The following MTUS2 variants were observed in gnomAD, a reference collection of about 807,000 sequenced individuals.
MTUS2 encodes microtubule-associated tumor suppressor candidate 2.
Under a neutral mutation model 114.1 loss-of-function variants are expected in MTUS2, and 40 were observed. The ratio of observed to expected loss-of-function variants is 0.35; its 90% CI spans 0.27 to 0.46. MTUS2 has a LOEUF of 0.46. Ranked by LOEUF, MTUS2 falls within the 20% of genes least tolerant of loss-of-function variation. MTUS2 has a pLI of 1.00. For missense variants in MTUS2, 1,679 were observed against 1,705.4 expected (o/e 0.98, Z 0.27); for synonymous variants, 688 against 672.0 (o/e 1.02, Z -0.37).
chr13:29,169,209 G>A (rs1430186356), intron 5 of MTUS2, among the ~76,000 whole-genome samples: 4 of 152,142 alleles, frequency 2.6e-5, no homozygotes, highest in African/African-American at 9.7e-5. Context: ...TTTTATAAAA[G>A]TGAGATTTAG....
chr13:29,403,838 C>T (rs1874541068), intron 8 of MTUS2, among the ~76,000 whole-genome samples: 1 of 152,126 alleles, frequency 6.6e-6, no homozygotes, highest in African/African-American at 2.4e-5. Flanking sequence ...TCTTTCGATC[C>T]ATCTATCTCC....
chr13:29,445,748 C>CAA (rs112602672), intron 9 of MTUS2, among the ~76,000 whole-genome samples: 4 of 148,556 alleles, frequency 2.7e-5, no homozygotes, highest in African/African-American at 9.9e-5. Context: ...ACTAAAAATA[C>CAA]AAAAAAAAAA....
chr13:29,460,595 C>T (rs533755420), intron 9 of MTUS2, among the ~76,000 whole-genome samples: 1 of 152,298 alleles, frequency 6.6e-6, no homozygotes, highest in Non-Finnish European at 1.5e-5. Flanking sequence ...TCCTCAAGTC[C>T]TGTTTTTCCT....
chr13:29,112,602 C>G (rs1566014979), intron 5 of MTUS2, among the ~76,000 whole-genome samples: 1 of 151,806 alleles, frequency 6.6e-6, no homozygotes, highest in African/African-American at 2.4e-5. Flanking sequence ...TGTGTTTGCT[C>G]TTTTTTTTAA....
At chr13:29,080,502 G>A (rs922525014) in intron 4 of MTUS2, among the ~76,000 whole-genome samples, 13 of 152,212 alleles carry the variant, frequency 8.5e-5, no homozygotes, top group Non-Finnish European at 1.3e-4. Context: ...AAGCTGAGGA[G>A]CAAGGAAGCC....
chr13:29,395,526 C>G (rs1873846739), intron 8 of MTUS2, among the ~76,000 whole-genome samples: 1 of 152,166 alleles, frequency 6.6e-6, no homozygotes, highest in African/African-American at 2.4e-5. Context: ...AGGGAGATGT[C>G]AGTTGAGAAG....
chr13:29,268,010 T>A (rs1013601559), intron 5 of MTUS2, among the ~76,000 whole-genome samples: 1 of 152,162 alleles, frequency 6.6e-6, no homozygotes. Flanking sequence ...CAGATTTTTT[T>A]AATATACTTT....
intron 4 of MTUS2, among the ~76,000 whole-genome samples, chr13:29,046,862 C>T (rs1473219218): frequency 6.6e-6 from 1 of 152,182 alleles, no homozygotes; most frequent in Non-Finnish European, 1.5e-5. Flanking sequence ...CACCCCTTCC[C>T]CTTTCCTCTC....
intron 4 of MTUS2, among the ~76,000 whole-genome samples, chr13:29,047,986 T>C (rs1887714932): frequency 6.6e-6 from 1 of 152,254 alleles, no homozygotes; most frequent in Non-Finnish European, 1.5e-5. Flanking sequence ...ATCAGTATTT[T>C]ATTTCTTTTG....
intron 5 of MTUS2, among the ~76,000 whole-genome samples, chr13:29,179,804 C>A (rs916437755): frequency 6.6e-6 from 1 of 152,156 alleles, no homozygotes; most frequent in Non-Finnish European, 1.5e-5. Context: ...GGTTATCTCA[C>A]TTGGTCTATA....
chr13:29,019,547 G>A (rs1237172157), intron 2 of MTUS2, among the ~76,000 whole-genome samples: 1 of 152,196 alleles, frequency 6.6e-6, no homozygotes, highest in Admixed American at 6.5e-5. Flanking sequence ...TGTTTGAGAA[G>A]TATATTTTTA....
intron 2 of MTUS2, among the ~76,000 whole-genome samples, chr13:28,933,225 G>C (rs1881716931): frequency 6.6e-6 from 1 of 151,922 alleles, no homozygotes; most frequent in African/African-American, 2.4e-5. Flanking sequence ...GTGAGGGCTG[G>C]CAAGTCTGAG....
intron 2 of MTUS2, among the ~76,000 whole-genome samples, chr13:28,970,125 A>T (rs1051569380): frequency 4.6e-5 from 7 of 152,240 alleles, no homozygotes; most frequent in African/African-American, 1.7e-4. Context: ...TCCTACAGTG[A>T]TAAAGAACAC....
At chr13:29,219,821 T>C (rs866936229) in intron 5 of MTUS2, among the ~76,000 whole-genome samples, 1 of 152,232 alleles carries the variant, frequency 6.6e-6, no homozygotes, top group South Asian at 2.1e-4. Flanking sequence ...CTGAAGCTTC[T>C]TTACCTCTCT....
chr13:29,102,590 T>G (rs1890467885), intron 5 of MTUS2, among the ~76,000 whole-genome samples: 1 of 152,224 alleles, frequency 6.6e-6, no homozygotes, highest in Non-Finnish European at 1.5e-5. Context: ...ATACTAAAAG[T>G]CACACTTTTA....
At chr13:29,424,767 T>A (rs1876379071) in intron 8 of MTUS2, among the ~76,000 whole-genome samples, 1 of 151,672 alleles carries the variant, frequency 6.6e-6, no homozygotes, top group Non-Finnish European at 1.5e-5. Flanking sequence ...AAGAGGCAAA[T>A]CCAGCATGTA....
intron 5 of MTUS2, among the ~76,000 whole-genome samples, chr13:29,182,044 T>C (rs1262571170): frequency 1.3e-5 from 2 of 152,206 alleles, no homozygotes; most frequent in East Asian, 3.8e-4. Context: ...TAAATATGTG[T>C]ATCTCTTTCT....
At chr13:29,247,705 G>A (rs1028412286) in intron 5 of MTUS2, among the ~76,000 whole-genome samples, 8 of 151,988 alleles carry the variant, frequency 5.3e-5, no homozygotes, top group East Asian at 3.9e-4. Flanking sequence ...ATGTGATACC[G>A]CCATACTCCT....
chr13:29,294,335 G>T (rs1047040295), intron 6 of MTUS2, among the ~76,000 whole-genome samples: 5 of 151,980 alleles, frequency 3.3e-5, no homozygotes, highest in African/African-American at 7.2e-5. Flanking sequence ...ATGTGAAAAG[G>T]TTCTTTTTAA....
Sources: gnomAD v4.1 joint callset for allele counts (sites outside exome capture counted in the v4.1 genomes callset) on GRCh38, gnomAD v4.1.1 for gene constraint, MANE v1.5 for transcripts, NCBI Gene and HGNC (gene_info 2026-07-23, HGNC 2026-07-21) for gene names.